Variants in UGT1A9 observed in about 807,000 individuals in gnomAD.
UGT1A9 encodes the protein UDP-glucuronosyltransferase 1A9.
Under a neutral mutation model 45.0 loss-of-function variants are expected in UGT1A9, and 35 were observed. The ratio of observed to expected loss-of-function variants is 0.78; its 90% CI spans 0.59 to 1.03. The LOEUF (loss-of-function observed/expected upper bound fraction) is 1.03, where lower values mean the gene tolerates loss of function less well. Among genes scored for constraint, UGT1A9 ranks in the 50% least tolerant of loss-of-function variants. UGT1A9 has a pLI of 0.00. For missense variants in UGT1A9, 687 were observed against 666.6 expected (o/e 1.03, Z -0.34); for synonymous variants, 278 against 250.6 (o/e 1.11, Z -1.03).
chr2:233,713,014 C>T lies in UGT1A9; in HGVS notation c.855+40225C>T, dbSNP rs771842103. Reference sequence around the variant, plus strand: ...GAGATGGCCACAGGACTCCAGGTTCCCCTGCCGCAGCTGGCCACAGGACTG... The same window carrying T: ...GAGATGGCCACAGGACTCCAGGTTCTCCTGCCGCAGCTGGCCACAGGACTG... On this transcript the variant is annotated intron_variant, in intron 1 of 4. Coordinates refer to ENST00000354728, the MANE Select transcript of UGT1A9 (RefSeq NM_021027.3). 9 of 1,613,568 alleles carry T rather than the reference C, an allele frequency of 5.6e-6. No individual in the cohort carries two copies. In the African/African-American group the frequency reaches 8.0e-5, roughly 14 times the overall value.
chr2:233,772,888 G>C lies in UGT1A9; in HGVS notation c.*329G>C. 3.7e-6 allele frequency: 2 copies of C among 534,950 alleles called. No individual in the cohort carries two copies. Among genetic ancestry groups the C allele is most frequent in the Admixed American group, 3.7e-5 (1 of 26,668 alleles). The allele number at this position is 534,950 out of a possible 1,614,324, so 33.1% of individuals were successfully genotyped here. ...CTGTTTGGGAGTGCGGGATTCAAAGGTGGTCCCACGGCTGCCCCTACTGCA... is the reference window on the plus strand; with the variant it reads ...CTGTTTGGGAGTGCGGGATTCAAAGCTGGTCCCACGGCTGCCCCTACTGCA... On this transcript the variant is annotated 3_prime_UTR_variant, in exon 5 of 5. Coordinates refer to ENST00000354728, the MANE Select transcript of UGT1A9 (RefSeq NM_021027.3).
intron 1 of UGT1A9, among the ~76,000 whole-genome samples, chr2:233,752,117 AGAT>A (rs1222756938): frequency 6.6e-6 from 1 of 152,242 alleles, no homozygotes; most frequent in African/African-American, 2.4e-5. Flanking sequence ...GAGGAGAAGA[AGAT>A]GATGGACAGA....
chr2:233,719,299 T>C, intron 1 of UGT1A9: 1 of 1,613,974 alleles, frequency 6.2e-7, no homozygotes, highest in East Asian at 2.2e-5. Flanking sequence ...TGTGGGGCGG[T>C]GCTGGCTAAG....
chr2:233,748,523 T>TA (rs988670455), intron 1 of UGT1A9, among the ~76,000 whole-genome samples: 2 of 151,784 alleles, frequency 1.3e-5, no homozygotes, highest in Admixed American at 6.5e-5. Flanking sequence ...TTGCGAATGA[T>TA]AGAGAGGTGA....
chr2:233,725,687 A>G (rs1043779631), intron 1 of UGT1A9, among the ~76,000 whole-genome samples: 2 of 152,216 alleles, frequency 1.3e-5, no homozygotes, highest in African/African-American at 2.4e-5. Context: ...CAAGTGCTCA[A>G]TAGTCATATG....
intron 1 of UGT1A9, among the ~76,000 whole-genome samples, chr2:233,746,557 T>G (rs1301694420): frequency 6.6e-6 from 1 of 151,810 alleles, no homozygotes; most frequent in Non-Finnish European, 1.5e-5. Flanking sequence ...TCTTAGCCCC[T>G]AGAGCACCAC....
Position 233,769,296 on chromosome 2 carries a change from A to G in UGT1A9, c.1295+857A>G, listed in dbSNP as rs1325242362. 6.6e-6 allele frequency among the ~76,000 whole-genome samples: 1 copy of G among 152,258 alleles called. No homozygotes were observed. Among genetic ancestry groups the G allele is most frequent in the African/African-American group, 2.4e-5 (1 of 41,468 alleles). ...GGCAAATGATTTCTGGATTAAAGTT[A>G]GTATATTACTGTCAAGCTCACTGGT... On this transcript the variant is annotated intron_variant, in intron 4 of 4. Transcript: ENST00000354728. This position sits in a 1 kb window ranked among gnomAD's most constrained non-coding sequence, Gnocchi z 4.4.
chr2:233,719,429 C>T (rs2076765385), intron 1 of UGT1A9: 1 of 1,613,996 alleles, frequency 6.2e-7, no homozygotes, highest in Non-Finnish European at 8.5e-7. Flanking sequence ...CCAATTCAGA[C>T]CACATGACAT....
chr2:233,726,439 C>G (rs2077532269), intron 1 of UGT1A9, among the ~76,000 whole-genome samples: 1 of 152,184 alleles, frequency 6.6e-6, no homozygotes, highest in African/African-American at 2.4e-5. Context: ...TAATCTTATT[C>G]TTTCCACTGA....
intron 1 of UGT1A9, among the ~76,000 whole-genome samples, chr2:233,736,432 A>G (rs1471757710): frequency 6.6e-6 from 1 of 152,142 alleles, no homozygotes; most frequent in East Asian, 1.9e-4. Flanking sequence ...TCAAGGTTCA[A>G]CCTTCCTTGC....
rs368860136 is a variant in UGT1A9, at chr2:233,772,310, G to A, written c.1344G>A (p.Pro448=). The A allele has an allele frequency of 6.6e-5, 107 of 1,614,092 alleles. No individual in the cohort carries two copies. The highest frequency in any genetic ancestry group is 2.5e-4 in the African/African-American group (19 of 74,926). ...MRLSSLHKDR[P]VEPLDLAVFW... ...TCTCCAGCCTTCACAAGGACCGCCCGGTGGAGCCGCTGGACCTGGCCGTGT... is the reference window on the plus strand; with the variant it reads ...TCTCCAGCCTTCACAAGGACCGCCCAGTGGAGCCGCTGGACCTGGCCGTGT... Residue 448 remains proline, a synonymous_variant, in exon 5 of 5, where the codon CCG becomes CCA. Transcript: ENST00000354728.
chr2:233,672,761 A>G lies in UGT1A9; in HGVS notation c.827A>G (p.Asn276Ser), dbSNP rs1161728705. 4 of 1,613,748 alleles carry G rather than the reference A, an allele frequency of 2.5e-6. No homozygotes were observed. The highest frequency in any genetic ancestry group is 1.7e-5 in the Admixed American group (1 of 59,980). The change falls in exon 1 of 5, where the codon AAC becomes AGC. Residue 276 changes from asparagine (N) to serine (S), a missense_variant. Transcript: ENST00000354728. ...MPNMIFIGGI[N>S]CHQGKPLPME... ...AACATGATCTTCATTGGTGGTATCAACTGCCATCAGGGAAAGCCGTTGCCT... is the reference window on the plus strand; with the variant it reads ...AACATGATCTTCATTGGTGGTATCAGCTGCCATCAGGGAAAGCCGTTGCCT...
At position 233,747,695 on chromosome 2, in the gene UGT1A9, G is replaced by A. The variant is rs569419089; in HGVS notation, c.856-19339G>A. The A allele has an allele frequency of 6.2e-4, 998 of 1,611,470 alleles. 13 individuals carry two copies. In the South Asian group the frequency reaches 7.6e-3, roughly 12 times the overall value. On this transcript the variant is annotated intron_variant, in intron 1 of 4. Coordinates refer to ENST00000354728, the MANE Select transcript of UGT1A9 (RefSeq NM_021027.3). ...CAATTTACCTCTGTGGGGCAGTGCTGGCTAAGTACCTATCAATTCCTGCTG... is the reference window on the plus strand; with the variant it reads ...CAATTTACCTCTGTGGGGCAGTGCTAGCTAAGTACCTATCAATTCCTGCTG...
At chr2:233,693,942 C>G in intron 1 of UGT1A9, 1 of 1,601,216 alleles carries the variant, frequency 6.2e-7, no homozygotes, top group Non-Finnish European at 8.5e-7. Flanking sequence ...GCTCCTTGAG[C>G]CGACTGTCCC....
At chr2:233,756,551 C>G (rs1440983818) in intron 1 of UGT1A9, among the ~76,000 whole-genome samples, 1 of 152,076 alleles carries the variant, frequency 6.6e-6, no homozygotes, top group East Asian at 1.9e-4. Context: ...CTAAAACAAC[C>G]AGGGAGATCC....
intron 1 of UGT1A9, among the ~76,000 whole-genome samples, chr2:233,732,961 T>G (rs2078342665): frequency 6.6e-6 from 1 of 152,188 alleles, no homozygotes; most frequent in Non-Finnish European, 1.5e-5. Context: ...GTTCTTCCAT[T>G]TGTTTGTGTC....
intron 1 of UGT1A9, among the ~76,000 whole-genome samples, chr2:233,736,610 A>G (rs2078784118): frequency 6.6e-6 from 1 of 152,034 alleles, no homozygotes; most frequent in Non-Finnish European, 1.5e-5. Context: ...TGGTTTTTAG[A>G]ATTTTCAGCT....
At chr2:233,718,140 TC>T (rs2125658372) in intron 1 of UGT1A9, 1 of 233,266 alleles carries the variant, frequency 4.3e-6, no homozygotes, top group African/African-American at 2.2e-5. Context: ...TGGAGAATCC[TC>T]AATAAAGCCT....
chr2:233,762,970 T>A (rs916138811), intron 1 of UGT1A9, among the ~76,000 whole-genome samples: 1 of 152,240 alleles, frequency 6.6e-6, no homozygotes, highest in South Asian at 2.1e-4. Context: ...GATGCCCGTC[T>A]TGCTGCTATT....
Sources: gnomAD v4.1 joint callset for allele counts (sites outside exome capture counted in the v4.1 genomes callset) on GRCh38, gnomAD v4.1.1 for gene constraint, Gnocchi (gnomAD v3.1) non-coding constraint, MANE v1.5 for transcripts, NCBI Gene and HGNC (gene_info 2026-07-23, HGNC 2026-07-21) for gene names.